Variants in UNC93A observed in about 807,000 individuals in gnomAD.
The protein encoded by UNC93A is N-acetylglucosamine transporter UNC93A.
In UNC93A, 43 loss-of-function variants were observed where a neutral mutation model predicts 47.5. The ratio of observed to expected loss-of-function variants is 0.91; its 90% CI spans 0.71 to 1.17. The LOEUF (loss-of-function observed/expected upper bound fraction) is 1.17, where lower values mean the gene tolerates loss of function less well. Among genes scored for constraint, UNC93A ranks in the 50% most tolerant of loss-of-function variants. UNC93A has a pLI of 0.00. For missense variants in UNC93A, 605 were observed against 577.6 expected, an observed-to-expected ratio of 1.05 and a Z score of -0.49; for synonymous variants, 280 against 258.0, an observed-to-expected ratio of 1.09 and a Z score of -0.82.
chr6:167,292,753 C>A (rs1178331286), intron 1 of UNC93A, among the ~76,000 whole-genome samples: 2 of 152,134 alleles, frequency 1.3e-5, no homozygotes, highest in Non-Finnish European at 2.9e-5. Flanking sequence ...GAGGTGAGTG[C>A]ATGTTGAATG....
At chr6:167,296,798 G>A (rs956436488) in intron 3 of UNC93A, among the ~76,000 whole-genome samples, 1 of 152,162 alleles carries the variant, frequency 6.6e-6, no homozygotes, top group Non-Finnish European at 1.5e-5. Flanking sequence ...CATGACCTTA[G>A]TGCCCACGTT....
chr6:167,294,069 A>G (rs1777976765), intron 1 of UNC93A, among the ~76,000 whole-genome samples: 1 of 152,174 alleles, frequency 6.6e-6, no homozygotes, highest in African/African-American at 2.4e-5. Flanking sequence ...GAAATCATTC[A>G]TGTGCACTCA....
intron 1 of UNC93A, among the ~76,000 whole-genome samples, chr6:167,282,910 C>T (rs760076580): frequency 2.2e-4 from 33 of 152,052 alleles, no homozygotes; most frequent in Admixed American, 6.5e-5. Flanking sequence ...GATTGGTAAT[C>T]GGTTGAAAAA....
upstream of UNC93A, among the ~76,000 whole-genome samples, chr6:167,287,682 A>AGG (rs994265543): frequency 6.5e-5 from 8 of 123,656 alleles, no homozygotes; most frequent in Non-Finnish European, 1.7e-5. Context: ...GAAAATAAAA[A>AGG]GGGTGTGTGT....
In UNC93A at chr6:167,271,202, G is replaced by GA. The variant is rs1783445663; in HGVS notation, c.-306dup. ...GAGTTAAGACAGAGCTTAAGACAGAGAACCTCAACAGGAGGCCTGAAGGAA... is the reference window on the plus strand; with the variant it reads ...GAGTTAAGACAGAGCTTAAGACAGAGAAACCTCAACAGGAGGCCTGAAGGAA... On this transcript the variant is annotated 5_prime_UTR_variant, in exon 1 of 4. Transcript: ENST00000503433. 9 of 148,486 alleles carry GA rather than the reference G, an allele frequency of 6.1e-5. No homozygotes were observed. The South Asian group carries it at 1.9e-3, about 32-fold the overall frequency. 9.2% of individuals were successfully genotyped at this position (148,486 alleles called of 1,614,324 possible).
intron 1 of UNC93A, among the ~76,000 whole-genome samples, chr6:167,285,576 G>C (rs370814854): frequency 8.7e-4 from 132 of 151,800 alleles, no homozygotes; most frequent in Middle Eastern, 3.4e-3. Context: ...CACAGGGCTG[G>C]AGTCGTGGAA....
At chr6:167,276,810 C>T (rs1583058849) in intron 1 of UNC93A, among the ~76,000 whole-genome samples, 2 of 152,288 alleles carry the variant, frequency 1.3e-5, no homozygotes, top group South Asian at 2.1e-4. Context: ...TTAGGAAACC[C>T]CGGGAGTCGT....
rs569238733 is a variant in UNC93A at position 167,295,380 on chromosome 6, G to A, written c.270-652G>A. 1.8e-4 allele frequency among the ~76,000 whole-genome samples: 27 copies of A among 151,686 alleles called. No individual in the cohort carries two copies. In the South Asian group the frequency reaches 5.6e-3, roughly 32 times the overall value. ...TCTTTTTAACCGGGGCTGTCCCTCG[G>A]CCTCCCTCGTGCTCCTCGCCTCCCT... On this transcript the variant is annotated intron_variant, in intron 2 of 7. Transcript: ENST00000230256.
At chr6:167,271,480 G>A (rs62438461) in intron 1 of UNC93A, 36,621 of 152,178 alleles carry the variant, frequency 0.24, 4,971 homozygotes, top group Non-Finnish European at 0.31. Flanking sequence ...GATGGGCTCC[G>A]TGGCTGCCTC....
chr6:167,285,441 A>G (rs146102446), intron 1 of UNC93A, among the ~76,000 whole-genome samples: 11 of 151,934 alleles, frequency 7.2e-5, no homozygotes, highest in African/African-American at 2.6e-4. Flanking sequence ...CAGGAGGGGA[A>G]GTGAGCTGGG....
chr6:167,277,568 G>A (rs754632909), intron 1 of UNC93A, among the ~76,000 whole-genome samples: 5 of 152,104 alleles, frequency 3.3e-5, no homozygotes, highest in Non-Finnish European at 7.4e-5. Flanking sequence ...GAGAGTGGAC[G>A]GGCAGCTGCT....
chr6:167,308,563 G>C (rs1281846943), intron 7 of UNC93A, among the ~76,000 whole-genome samples: 3 of 152,006 alleles, frequency 2.0e-5, no homozygotes, highest in Non-Finnish European at 4.4e-5. Flanking sequence ...GTGGGGTGGG[G>C]TGCAGGAGGA....
chr6:167,307,775 C>A lies in UNC93A; in HGVS notation c.977-4C>A. On this transcript the variant is annotated splice_polypyrimidine_tract_variant and splice_region_variant and intron_variant, in intron 6 of 7. Transcript: ENST00000230256. Reference sequence around the variant, plus strand: ...GCCTGGCGGTTTCCCCTCTGCACCCCCAGGCGCGGTGACCCACGTGTCCTG... The same window carrying A: ...GCCTGGCGGTTTCCCCTCTGCACCCACAGGCGCGGTGACCCACGTGTCCTG... The A allele has an allele frequency of 6.3e-7, 1 of 1,592,508 alleles. No individual in the cohort carries two copies.
At chr6:167,285,833 T>A (rs898007669) in intron 1 of UNC93A, among the ~76,000 whole-genome samples, 7 of 151,608 alleles carry the variant, frequency 4.6e-5, no homozygotes, top group Admixed American at 1.3e-4. Flanking sequence ...AAATTAGATA[T>A]TCTTCTTTAA....
chr6:167,269,184 C>G (rs1161839702), upstream of UNC93A, among the ~76,000 whole-genome samples: 1 of 152,180 alleles, frequency 6.6e-6, no homozygotes, highest in Non-Finnish European at 1.5e-5. Flanking sequence ...GCGGAACAGG[C>G]AGGCTGTGCA....
intron 7 of UNC93A, among the ~76,000 whole-genome samples, chr6:167,309,718 C>T (rs898503148): frequency 3.9e-5 from 6 of 152,228 alleles, no homozygotes; most frequent in Admixed American, 1.3e-4. Flanking sequence ...ACTCCAGCCA[C>T]GTCCTTTCTT....
chr6:167,270,065 G>A (rs1270061300), upstream of UNC93A, among the ~76,000 whole-genome samples: 1 of 131,482 alleles, frequency 7.6e-6, no homozygotes, highest in Non-Finnish European at 1.6e-5. Flanking sequence ...GGTGGGGGTG[G>A]GGGGGGGGCG....
intron 4 of UNC93A, among the ~76,000 whole-genome samples, chr6:167,302,185 T>C (rs532381245): frequency 6.6e-6 from 1 of 152,228 alleles, no homozygotes; most frequent in South Asian, 2.1e-4. Flanking sequence ...TGCACACAGC[T>C]TGGAAGAGAG....
At chr6:167,301,774 C>T (rs1036877296) in intron 4 of UNC93A, among the ~76,000 whole-genome samples, 1 of 152,130 alleles carries the variant, frequency 6.6e-6, no homozygotes, top group South Asian at 2.1e-4. Flanking sequence ...GTGAAGAAGG[C>T]GCTGCCTTCA....
Sources: allele counts gnomAD v4.1 joint callset (sites outside exome capture counted in the v4.1 genomes callset), GRCh38; gene constraint gnomAD v4.1.1; transcripts MANE v1.5; gene names NCBI Gene and HGNC (gene_info 2026-07-23, HGNC 2026-07-21).